The following PLSCR1 variants were observed in gnomAD, a reference collection of about 807,000 sequenced individuals.
PLSCR1 encodes the protein phospholipid scramblase 1.
Under a neutral mutation model 37.8 loss-of-function variants are expected in PLSCR1, and 17 were observed. The ratio of observed to expected loss-of-function variants is 0.45; its 90% CI spans 0.31 to 0.68. PLSCR1 has a LOEUF of 0.68. Among genes scored for constraint, PLSCR1 ranks in the 30% least tolerant of loss-of-function variants. The pLI is 0.06. For synonymous variants in PLSCR1, 116 were observed against 125.9 expected (o/e 0.92, Z 0.53); for missense variants, 347 against 380.9 (o/e 0.91, Z 0.74).
chr3:146,528,259 C>A, intron 4 of PLSCR1: 1 of 254,480 alleles, frequency 3.9e-6, no homozygotes. Context: ...CCTCTCTGGA[C>A]CTCAGTTTCT....
At chr3:146,529,328 C>T (rs374642450) in intron 3 of PLSCR1, among the ~76,000 whole-genome samples, 3 of 152,206 alleles carry the variant, frequency 2.0e-5, no homozygotes, top group African/African-American at 7.2e-5. Flanking sequence ...GGATATTTGA[C>T]AAGATCTGCA....
At chr3:146,541,124 T>C (rs1262979651) in intron 1 of PLSCR1, 1 of 152,146 alleles carries the variant, frequency 6.6e-6, no homozygotes, top group Non-Finnish European at 1.5e-5. Flanking sequence ...TGATTATAAA[T>C]GCAAAGTACC....
chr3:146,533,633 T>C, intron 2 of PLSCR1, 83 bp from the exon 3 acceptor site: 1 of 799,580 alleles, frequency 1.3e-6, no homozygotes, highest in Non-Finnish European at 2.1e-6. Context: ...CTTAGATAAT[T>C]GTAACTTGTA....
rs182731256 is a variant in PLSCR1, at chr3:146,534,869, C to T, written c.14-1319G>A. Among the ~76,000 whole-genome samples the T allele has an allele frequency of 2.0e-4, 31 of 152,068 alleles. No individual in the cohort carries two copies. In the East Asian group the frequency reaches 3.5e-3, roughly 17 times the overall value. On this transcript the variant is annotated intron_variant, in intron 2 of 8. Coordinates refer to ENST00000342435, the MANE Select transcript of PLSCR1 (RefSeq NM_021105.3). ...CCAGCCTGGGCGACAGAGCGAGACT[C>T]CATCTCAAATAAATAAATAAATAAA...
intron 1 of PLSCR1, among the ~76,000 whole-genome samples, chr3:146,543,018 A>G (rs1222057493): frequency 6.6e-6 from 1 of 152,182 alleles, no homozygotes; most frequent in Non-Finnish European, 1.5e-5. Context: ...GGGTTTAAGA[A>G]AAGTCAGACT....
Position 146,528,788 on chromosome 3 carries a change from G to A in PLSCR1, c.138C>T (p.Tyr46=), listed in dbSNP as rs775450519. ...YSGYPGPQVS[Y]PPPPAGHSGP... ...CTGAATGGCCGGCTGGTGGGGGTGG[G>A]TAGCTGACCTGGGGCCCAGGGTAGC... The change falls in exon 4 of 9, where the codon TAC becomes TAT. Residue 46 remains tyrosine, a synonymous_variant. Coordinates refer to ENST00000342435, the MANE Select transcript of PLSCR1 (RefSeq NM_021105.3). 26 of 1,613,952 alleles carry A rather than the reference G, an allele frequency of 1.6e-5. No homozygotes were observed. In the East Asian group the frequency reaches 5.6e-4, roughly 35 times the overall value.
At chr3:146,542,497 C>A (rs2044349911) in intron 1 of PLSCR1, among the ~76,000 whole-genome samples, 1 of 152,130 alleles carries the variant, frequency 6.6e-6, no homozygotes, top group Admixed American at 6.6e-5. Flanking sequence ...TGTATTTAAG[C>A]AACACATGAT....
chr3:146,526,098 G>C (rs796189897), intron 4 of PLSCR1, among the ~76,000 whole-genome samples: 2 of 141,092 alleles, frequency 1.4e-5, no homozygotes, highest in Non-Finnish European at 3.0e-5. Context: ...CAGGAGAATC[G>C]CCTGAACCCA....
intron 8 of PLSCR1, 89 bp downstream of exon 8, chr3:146,516,917 T>A: frequency 1.2e-6 from 1 of 867,060 alleles, no homozygotes; most frequent in South Asian, 1.7e-5. Context: ...AATTTTAAAA[T>A]GTCATTTTGA....
intron 1 of PLSCR1, 53 bp from the exon 2 acceptor site, chr3:146,536,618 T>C: frequency 1.9e-6 from 2 of 1,046,512 alleles, no homozygotes; most frequent in Non-Finnish European, 3.0e-6. Context: ...ACAAGTCAAA[T>C]ATAACAGTTG....
intron 1 of PLSCR1, among the ~76,000 whole-genome samples, chr3:146,540,031 C>A (rs573013061): frequency 1.1e-4 from 16 of 152,220 alleles, no homozygotes; most frequent in African/African-American, 3.9e-4. Context: ...ACTGGGTGTG[C>A]CCTGAATGAA....
chr3:146,540,847 G>C (rs1292632908), intron 1 of PLSCR1: 3 of 152,166 alleles, frequency 2.0e-5, no homozygotes, highest in African/African-American at 7.2e-5. Flanking sequence ...AAGTAGGCCA[G>C]GGGAACATTA....
At chr3:146,536,145 T>C (rs1257566847) in intron 2 of PLSCR1, among the ~76,000 whole-genome samples, 3 of 152,148 alleles carry the variant, frequency 2.0e-5, no homozygotes, top group Admixed American at 6.5e-5. Flanking sequence ...GAAATATACA[T>C]TGAGGTGTGT....
chr3:146,533,350 C>T (rs2044223115), intron 3 of PLSCR1, 120 bp downstream of exon 3: 1 of 475,770 alleles, frequency 2.1e-6, no homozygotes, highest in East Asian at 3.1e-5. Context: ...AAAAAAAGAA[C>T]TACTAAAATA....
intron 4 of PLSCR1, among the ~76,000 whole-genome samples, chr3:146,527,577 G>A (rs955509180): frequency 1.3e-5 from 2 of 152,024 alleles, no homozygotes; most frequent in African/African-American, 4.8e-5. Flanking sequence ...ACAAGTTTCA[G>A]ATTTGTATTA....
intron 1 of PLSCR1, among the ~76,000 whole-genome samples, chr3:146,544,233 T>C (rs2044375083): frequency 6.6e-6 from 1 of 152,208 alleles, no homozygotes; most frequent in Admixed American, 6.5e-5. Context: ...TGGGGCCCCT[T>C]GCCGTGTACC....
chr3:146,523,707 T>C (rs1317737975), intron 5 of PLSCR1, among the ~76,000 whole-genome samples: 1 of 152,206 alleles, frequency 6.6e-6, no homozygotes, highest in Non-Finnish European at 1.5e-5. Flanking sequence ...CTAAGTGAAC[T>C]CTGCACCTTT....
chr3:146,533,340 A>C (rs528142310), intron 3 of PLSCR1, 130 bp downstream of exon 3: 1 of 454,030 alleles, frequency 2.2e-6, no homozygotes, highest in Non-Finnish European at 4.0e-6. Context: ...ATATAATTTT[A>C]AAAAAAGAAC....
intron 5 of PLSCR1, among the ~76,000 whole-genome samples, chr3:146,523,996 C>T (rs1362471469): frequency 1.3e-5 from 2 of 152,138 alleles, no homozygotes; most frequent in Admixed American, 6.5e-5. Context: ...CGGATAAAGA[C>T]GGCCTTCACA....
Sources: allele counts gnomAD v4.1 joint callset (sites outside exome capture counted in the v4.1 genomes callset), GRCh38; gene constraint gnomAD v4.1.1; transcripts MANE v1.5; gene names NCBI Gene and HGNC (gene_info 2026-07-23, HGNC 2026-07-21).